SYT7: variants seen among roughly 807,000 people sequenced by gnomAD.
SYT7 encodes the protein synaptotagmin 7.
In SYT7, 29 loss-of-function variants were observed where a neutral mutation model predicts 75.1. The observed-to-expected ratio is 0.39, with a 90% CI of 0.29 to 0.53. The LOEUF is 0.53. SYT7 is among the 20% of genes least tolerant of loss of function. The pLI is 0.77. For missense variants in SYT7, 693 were observed against 953.2 expected, an observed-to-expected ratio of 0.73 and a Z score of 3.59; for synonymous variants, 376 against 401.7, an observed-to-expected ratio of 0.94 and a Z score of 0.76.
At position 61,513,872 on chromosome 11, in the gene SYT7, CAG is replaced by C. The variant is rs1202421397; in HGVS notation, c.*4753_*4754del. On this transcript the variant is annotated 3_prime_UTR_variant, in exon 13 of 13. Coordinates refer to ENST00000539008, the MANE Select transcript of SYT7 (RefSeq NM_001365809.2). Reference sequence around the variant, plus strand: ...GGGAGCGGGGCGTCTTCACGGGAAACAGATGGTCTGGGGAGCCACGAGCTGGG... The same window carrying C: ...GGGAGCGGGGCGTCTTCACGGGAAACATGGTCTGGGGAGCCACGAGCTGGG... Among the ~76,000 whole-genome samples, 1 of 152,190 alleles carries C rather than the reference CAG, an allele frequency of 6.6e-6. No individual in the cohort carries two copies. Among genetic ancestry groups the C allele is most frequent in the African/African-American group, 2.4e-5 (1 of 41,450 alleles).
At position 61,551,901 on chromosome 11, in the gene SYT7, G is replaced by C; in HGVS notation, c.136-438C>G. Among the ~76,000 whole-genome samples, 1 of 152,190 alleles carries C rather than the reference G, an allele frequency of 6.6e-6. No individual in the cohort carries two copies. Among genetic ancestry groups the C allele is most frequent in the Non-Finnish European group, 1.5e-5 (1 of 68,018 alleles). ...CAAGGTTGGCAGTGGCCAGTGATGT[G>C]AGCAGTGGGGGCGGGGAGAAGGCCA... On this transcript the variant is annotated intron_variant, in intron 2 of 12. Transcript: ENST00000539008. The surrounding 1 kb of genome is among the most constrained non-coding windows in gnomAD (Gnocchi z 5.3).
rs371153497 is a variant in SYT7 at position 61,524,052 on chromosome 11, T to C, written c.1642-111A>G. On this transcript the variant is annotated intron_variant, in intron 10 of 12. Coordinates refer to ENST00000539008, the MANE Select transcript of SYT7 (RefSeq NM_001365809.2). This position sits in a 1 kb window ranked among gnomAD's most constrained non-coding sequence, Gnocchi z 4.1. ...TGACCTTGGTGCTTACCCATGCCCC[T>C]GTCTGTCACCTCTGTCTCACTCTGT... is the stretch of plus-strand genomic sequence containing the variant. The C allele has an allele frequency of 1.2e-4, 115 of 983,078 alleles. 1 individual carries two copies. The East Asian group carries it at 2.2e-3, about 19-fold the overall frequency. 60.9% of individuals were successfully genotyped at this position (983,078 alleles called of 1,614,324 possible).
intron 1 of SYT7, among the ~76,000 whole-genome samples, chr11:61,577,264 TC>T (rs1035803544): frequency 6.6e-6 from 1 of 152,198 alleles, no homozygotes; most frequent in African/African-American, 2.4e-5. Context: ...CAGCCTCAGG[TC>T]CTCCACTGTG....
chr11:61,558,469 CAA>C (rs1243483179), intron 1 of SYT7, among the ~76,000 whole-genome samples: 39 of 146,978 alleles, frequency 2.7e-4, no homozygotes, highest in African/African-American at 9.0e-4. Flanking sequence ...GACTCTGTTT[CAA>C]AAAAATATAT....
In SYT7 at chr11:61,554,290, A is replaced by ACACC. The variant is rs1565195539; in HGVS notation, c.135+1813_135+1814insGGTG. Among the ~76,000 whole-genome samples the ACACC allele has an allele frequency of 5.3e-3, 799 of 152,082 alleles. 6 individuals are homozygous for ACACC. The highest frequency in any genetic ancestry group is 0.019 in the African/African-American group (779 of 41,446). On this transcript the variant is annotated intron_variant, in intron 2 of 12. Coordinates refer to ENST00000539008, the MANE Select transcript of SYT7 (RefSeq NM_001365809.2). ...GGTCCTGGAAGTCATCTCTCACCACACACACCCACACCCACACCCACACAC... is the reference window on the plus strand; with the variant it reads ...GGTCCTGGAAGTCATCTCTCACCACACACCCACACCCACACCCACACCCACACAC...
At chr11:61,549,916 C>T (rs547484822) in intron 3 of SYT7, among the ~76,000 whole-genome samples, 4 of 152,198 alleles carry the variant, frequency 2.6e-5, no homozygotes, top group Middle Eastern at 3.4e-3. Flanking sequence ...CTGCCACACG[C>T]ACCCCTATCC....
intron 7 of SYT7, among the ~76,000 whole-genome samples, chr11:61,534,456 C>T (rs1031299446): frequency 2.6e-5 from 4 of 151,816 alleles, no homozygotes; most frequent in African/African-American, 9.7e-5. Flanking sequence ...CACACACGCA[C>T]GTGCGTGCAT....
In SYT7 at chr11:61,517,630, G is replaced by A. The variant is rs34043604; in HGVS notation, c.*997C>T. 4 of 398,898 alleles carry A rather than the reference G, an allele frequency of 1.0e-5. No individual in the cohort carries two copies. The highest frequency in any genetic ancestry group is 1.8e-5 in the Non-Finnish European group (4 of 226,318). The allele number at this position is 398,898 out of a possible 1,614,324, so 24.7% of individuals were successfully genotyped here. Reference sequence around the variant, plus strand: ...ATAGGGCAGATGTGGCTGCGTATGAGGTGTGGGAAGCTGGCGGGGGGTCTT... The same window carrying A: ...ATAGGGCAGATGTGGCTGCGTATGAAGTGTGGGAAGCTGGCGGGGGGTCTT... On this transcript the variant is annotated 3_prime_UTR_variant, in exon 13 of 13. Transcript: ENST00000539008.
In SYT7 at chr11:61,546,445, G is replaced by C. The variant is rs1215845260; in HGVS notation, c.348-190C>G. The C allele has an allele frequency of 3.3e-5, 18 of 541,668 alleles. No homozygotes were observed. Among genetic ancestry groups the C allele is most frequent in the East Asian group, 1.0e-4 (3 of 29,106 alleles). 33.6% of individuals were successfully genotyped at this position (541,668 alleles called of 1,614,324 possible). A position where few individuals can be genotyped will look rare whatever the true frequency, so the allele number is the denominator to read the frequency against. On this transcript the variant is annotated intron_variant, in intron 4 of 12. Transcript: ENST00000539008. The surrounding 1 kb of genome is among the most constrained non-coding windows in gnomAD (Gnocchi z 7.6). ...GACATGAGACAGACAGAGAGAGAGAGAGAGACATCAGCACTGCAAATGGGT... is the reference window on the plus strand; with the variant it reads ...GACATGAGACAGACAGAGAGAGAGACAGAGACATCAGCACTGCAAATGGGT...
At chr11:61,530,589 G>C (rs1249429491) in intron 8 of SYT7, among the ~76,000 whole-genome samples, 1 of 152,174 alleles carries the variant, frequency 6.6e-6, no homozygotes, top group Non-Finnish European at 1.5e-5. Flanking sequence ...GGCATAGCAT[G>C]GGTAGACAGT....
At chr11:61,536,476 T>C (rs1371908678) in intron 7 of SYT7, among the ~76,000 whole-genome samples, 1 of 152,170 alleles carries the variant, frequency 6.6e-6, no homozygotes, top group Non-Finnish European at 1.5e-5. Flanking sequence ...TTCTCGCCCC[T>C]GGCCCCCGGC....
rs1351315723 is a variant in SYT7, at chr11:61,513,974, G to C, written c.*4653C>G. Among the ~76,000 whole-genome samples, 1 of 151,996 alleles carries C rather than the reference G, an allele frequency of 6.6e-6. No homozygotes were observed. Among genetic ancestry groups the C allele is most frequent in the Non-Finnish European group, 1.5e-5 (1 of 68,018 alleles). The stretch of plus-strand genomic sequence containing the variant: ...GAGAGGAGCGCAGGACGTAACCCAG[G>C]ACAGCCTTCCAGAAAGCAGCAGTAT... On this transcript the variant is annotated 3_prime_UTR_variant, in exon 13 of 13. Coordinates refer to ENST00000539008, the MANE Select transcript of SYT7 (RefSeq NM_001365809.2).
At chr11:61,557,845 A>C (rs1216318573) in intron 1 of SYT7, among the ~76,000 whole-genome samples, 1 of 152,208 alleles carries the variant, frequency 6.6e-6, no homozygotes, top group Non-Finnish European at 1.5e-5. Context: ...GAGGGGCCAC[A>C]TTTGTCAAAG....
rs771417027 is a variant in SYT7, at chr11:61,533,130, G to C, written c.1065-6C>G. The C allele has an allele frequency of 1.3e-6, 2 of 1,584,250 alleles. No individual in the cohort carries two copies. Among genetic ancestry groups the C allele is most frequent in the South Asian group, 2.3e-5 (2 of 87,800 alleles). On this transcript the variant is annotated splice_polypyrimidine_tract_variant and splice_region_variant and intron_variant, in intron 7 of 12. Coordinates refer to ENST00000539008, the MANE Select transcript of SYT7 (RefSeq NM_001365809.2). Reference sequence around the variant, plus strand: ...CCTTCCCTCCTGCAGGCAACCTGAGGGCAGGGGAGTCCAAATGAGATTGGG... The same window carrying C: ...CCTTCCCTCCTGCAGGCAACCTGAGCGCAGGGGAGTCCAAATGAGATTGGG...
intron 1 of SYT7, among the ~76,000 whole-genome samples, chr11:61,564,454 T>C (rs562388708): frequency 6.6e-6 from 1 of 152,334 alleles, no homozygotes; most frequent in African/African-American, 2.4e-5. Flanking sequence ...GTCTGCAGAC[T>C]TCAGCACCCC....
At position 61,546,013 on chromosome 11, in the gene SYT7, T is replaced by C; in HGVS notation, c.572+18A>G. 6.5e-7 allele frequency: 1 copy of C among 1,530,568 alleles called. No homozygotes were observed. The allele number at this position is 1,530,568 out of a possible 1,614,324, so 94.8% of individuals were successfully genotyped here. On this transcript the variant is annotated intron_variant, in intron 5 of 12. Coordinates refer to ENST00000539008, the MANE Select transcript of SYT7 (RefSeq NM_001365809.2). This position sits in a 1 kb window ranked among gnomAD's most constrained non-coding sequence, Gnocchi z 7.6. ...CCTGAGCTCATGGCTCCGGCAGCCA[T>C]GGGGCGCCATCACTCACTTGGACAA...
intron 7 of SYT7, among the ~76,000 whole-genome samples, chr11:61,537,185 G>A (rs1032823497): frequency 1.3e-5 from 2 of 152,170 alleles, no homozygotes; most frequent in Non-Finnish European, 2.9e-5. Flanking sequence ...AAGGTGACAA[G>A]CCCTCCTCCC....
In SYT7 at chr11:61,558,485, TACACACACACACACACACATAC is replaced by T. The variant is rs1306528090; in HGVS notation, c.32-2300_32-2279del. Among the ~76,000 whole-genome samples the T allele has an allele frequency of 9.5e-5, 13 of 137,448 alleles. 1 individual carries two copies. Among genetic ancestry groups the T allele is most frequent in the Admixed American group, 7.3e-4 (10 of 13,720 alleles). 90.2% of individuals were successfully genotyped at this position (137,448 alleles called of 152,430 possible). ...ACTCTGTTTCAAAAAAATATATATA[TACACACACACACACACACATAC>T]ACACACACACACACACACACACACA... On this transcript the variant is annotated intron_variant, in intron 1 of 12. Coordinates refer to ENST00000539008, the MANE Select transcript of SYT7 (RefSeq NM_001365809.2).
At chr11:61,540,486 C>T in intron 6 of SYT7, 1 of 981,524 alleles carries the variant, frequency 1.0e-6, no homozygotes, top group Non-Finnish European at 1.2e-6. Flanking sequence ...ATTATCTGGA[C>T]CTTTCTAGGA....
Sources: allele counts gnomAD v4.1 joint callset (sites outside exome capture counted in the v4.1 genomes callset), GRCh38; gene constraint gnomAD v4.1.1; non-coding constraint Gnocchi (gnomAD v3.1); transcripts MANE v1.5; gene names NCBI Gene and HGNC (gene_info 2026-07-23, HGNC 2026-07-21).